LRP1B: variants seen among roughly 807,000 people sequenced by gnomAD.
LRP1B encodes the protein LDL receptor related protein 1B, also known as low-density lipoprotein receptor-related protein 1B.
Under a neutral mutation model 556.6 loss-of-function variants are expected in LRP1B, and 217 were observed. The ratio of observed to expected loss-of-function variants is 0.39; its 90% CI spans 0.35 to 0.44. LRP1B has a LOEUF of 0.44. Ranked by LOEUF, LRP1B falls within the 20% of genes least tolerant of loss-of-function variation. The probability of loss-of-function intolerance (pLI) is 1.00; values close to 1 mark genes in which losing one functional copy is unlikely to be tolerated. For synonymous variants in LRP1B, 2,047 were observed against 1,865.8 expected, an observed-to-expected ratio of 1.10 and a Z score of -2.50; for missense variants, 5,053 against 5,620.8, an observed-to-expected ratio of 0.90 and a Z score of 3.23.
chr2:140,472,590 C>T (rs1273899617), intron 60 of LRP1B, among the ~76,000 whole-genome samples: 2 of 151,986 alleles, frequency 1.3e-5, no homozygotes, highest in African/African-American at 4.8e-5. Context: ...GGAATGGAAG[C>T]TCTCAAACAA....
intron 31 of LRP1B, among the ~76,000 whole-genome samples, chr2:140,823,545 C>T (rs962867816): frequency 6.6e-6 from 1 of 151,926 alleles, no homozygotes. Flanking sequence ...ATTCACTGTA[C>T]TGTAAAATTC....
chr2:140,620,122 A>G (rs1475544409), intron 41 of LRP1B, among the ~76,000 whole-genome samples: 1 of 152,212 alleles, frequency 6.6e-6, no homozygotes, highest in African/African-American at 2.4e-5. Context: ...AGGAATCAAC[A>G]TTTTATTCAA....
intron 18 of LRP1B, among the ~76,000 whole-genome samples, chr2:140,975,738 T>C (rs185663640): frequency 2.7e-4 from 41 of 152,292 alleles, no homozygotes; most frequent in Non-Finnish European, 5.0e-4. Context: ...CTCCTCATTA[T>C]ATGGTTACAC....
chr2:140,362,786 A>G (rs987520095), intron 72 of LRP1B, among the ~76,000 whole-genome samples: 1 of 151,648 alleles, frequency 6.6e-6, no homozygotes, highest in Non-Finnish European at 1.5e-5. Flanking sequence ...TCTGTTCCAT[A>G]CTTTTACAAA....
chr2:140,892,392 T>G (rs1365934525), intron 23 of LRP1B, among the ~76,000 whole-genome samples: 81 of 152,122 alleles, frequency 5.3e-4, no homozygotes, highest in Non-Finnish European at 2.1e-4. Flanking sequence ...GCAGTAATCT[T>G]AATAGGAGAA....
intron 41 of LRP1B, among the ~76,000 whole-genome samples, chr2:140,650,664 T>A (rs1345168056): frequency 6.6e-6 from 1 of 152,110 alleles, no homozygotes; most frequent in African/African-American, 2.4e-5. Flanking sequence ...TTAAATCATT[T>A]TAAAGATTGG....
At chr2:141,690,029 T>C (rs1691458661) in intron 2 of LRP1B, among the ~76,000 whole-genome samples, 1 of 151,702 alleles carries the variant, frequency 6.6e-6, no homozygotes, top group South Asian at 2.1e-4. Context: ...AAGGTAAACA[T>C]AGTAATGCAA....
chr2:141,539,162 T>G (rs1234986309), intron 2 of LRP1B, among the ~76,000 whole-genome samples: 2 of 152,092 alleles, frequency 1.3e-5, no homozygotes, highest in Non-Finnish European at 2.9e-5. Flanking sequence ...TGTGCATGAA[T>G]ACAAGGAATT....
At chr2:142,047,691 T>A (rs1378017206) in intron 1 of LRP1B, among the ~76,000 whole-genome samples, 1 of 151,958 alleles carries the variant, frequency 6.6e-6, no homozygotes, top group African/African-American at 2.4e-5. Context: ...GAATGACTTC[T>A]GGCCTATGGA....
chr2:141,707,389 A>G (rs1692184458), intron 2 of LRP1B, among the ~76,000 whole-genome samples: 1 of 152,116 alleles, frequency 6.6e-6, no homozygotes, highest in South Asian at 2.1e-4. Context: ...CATTCCTAGG[A>G]AGGATCTGAT....
intron 6 of LRP1B, among the ~76,000 whole-genome samples, chr2:141,219,506 A>C (rs1200074350): frequency 6.6e-6 from 1 of 152,170 alleles, no homozygotes; most frequent in Non-Finnish European, 1.5e-5. Flanking sequence ...TAGTGGACCT[A>C]GTCTTTCCTG....
intron 2 of LRP1B, among the ~76,000 whole-genome samples, chr2:141,801,365 T>A (rs1486030553): frequency 6.6e-6 from 1 of 152,116 alleles, no homozygotes; most frequent in Non-Finnish European, 1.5e-5. Flanking sequence ...CATGGCTCAC[T>A]GCAGCCTTGA....
chr2:140,957,942 A>G (rs1409557549), intron 18 of LRP1B, among the ~76,000 whole-genome samples: 1 of 151,582 alleles, frequency 6.6e-6, no homozygotes, highest in Non-Finnish European at 1.5e-5. Context: ...TTGAAAATAG[A>G]TGATCACAAG....
intron 3 of LRP1B, among the ~76,000 whole-genome samples, chr2:141,440,977 C>T (rs1465372500): frequency 6.6e-6 from 1 of 152,152 alleles, no homozygotes; most frequent in Non-Finnish European, 1.5e-5. Context: ...TAGCCACTCC[C>T]GCCCACCCTC....
At chr2:141,502,857 C>CAA (rs66690773) in intron 2 of LRP1B, among the ~76,000 whole-genome samples, 6,541 of 134,840 alleles carry the variant, frequency 0.049, 224 homozygotes, top group Non-Finnish European at 0.058. Flanking sequence ...GACCCCGTCT[C>CAA]AAAAAATAAA....
chr2:141,643,114 T>G (rs1391437143), intron 2 of LRP1B, among the ~76,000 whole-genome samples: 3 of 152,162 alleles, frequency 2.0e-5, no homozygotes. Flanking sequence ...GAATTATTAA[T>G]TCGCTAAGCA....
At chr2:140,703,039 T>G (rs968901015) in intron 37 of LRP1B, among the ~76,000 whole-genome samples, 73 of 152,164 alleles carry the variant, frequency 4.8e-4, no homozygotes, top group African/African-American at 1.7e-3. Context: ...CTCCTCTATT[T>G]TCATTCACTA....
At chr2:141,885,707 A>C (rs919983957) in intron 1 of LRP1B, among the ~76,000 whole-genome samples, 1 of 152,206 alleles carries the variant, frequency 6.6e-6, no homozygotes, top group Non-Finnish European at 1.5e-5. Context: ...ATTTGAGATC[A>C]AATTTGAAAA....
intron 7 of LRP1B, among the ~76,000 whole-genome samples, chr2:141,069,497 C>A (rs1385549042): frequency 6.6e-6 from 1 of 152,018 alleles, no homozygotes; most frequent in Non-Finnish European, 1.5e-5. Flanking sequence ...GGAGTCTAGG[C>A]CCTATCAGCA....
Sources: gnomAD v4.1 joint callset for allele counts (sites outside exome capture counted in the v4.1 genomes callset) on GRCh38, gnomAD v4.1.1 for gene constraint, MANE v1.5 for transcripts, NCBI Gene and HGNC (gene_info 2026-07-23, HGNC 2026-07-21) for gene names.